OTUD7A: variants seen among roughly 807,000 people sequenced by gnomAD.
The protein encoded by OTUD7A is OTU deubiquitinase 7A.
A neutral mutation model predicts 65.7 loss-of-function variants in OTUD7A; 12 were observed. The observed-to-expected ratio is 0.18, with a 90% CI of 0.12 to 0.30. The LOEUF (loss-of-function observed/expected upper bound fraction) is 0.30, where lower values mean the gene tolerates loss of function less well. Among genes scored for constraint, OTUD7A ranks in the 10% least tolerant of loss-of-function variants. The pLI is 1.00. For missense variants in OTUD7A, 1,148 were observed against 1,304.8 expected (o/e 0.88, Z 1.85); for synonymous variants, 641 against 586.3 (o/e 1.09, Z -1.35).
At chr15:31,834,161 G>A (rs73380591) in intron 1 of OTUD7A, among the ~76,000 whole-genome samples, 2 of 152,344 alleles carry the variant, frequency 1.3e-5, no homozygotes, top group African/African-American at 4.8e-5. Context: ...GTGCTAACAA[G>A]AGTCACAGGC....
chr15:31,603,953 G>A (rs1890159133), intron 3 of OTUD7A, among the ~76,000 whole-genome samples: 2 of 152,336 alleles, frequency 1.3e-5, no homozygotes, highest in South Asian at 2.1e-4. Context: ...AACAGATGCT[G>A]GAGAGGATGT....
At position 31,500,902 on chromosome 15, in the gene OTUD7A, G is replaced by T. The variant is rs936025022; in HGVS notation, c.1171+788C>A. Among the ~76,000 whole-genome samples the T allele has an allele frequency of 1.7e-4, 26 of 152,350 alleles. 1 individual carries two copies. The South Asian group carries it at 3.9e-3, about 23-fold the overall frequency. On this transcript the variant is annotated intron_variant, in intron 10 of 12. Transcript: ENST00000307050. ...CAAACAAGAATGACAACAGGAAGGGGTTTCCTCTCCACTCAGCTGGTCACA... is the reference window on the plus strand; with the variant it reads ...CAAACAAGAATGACAACAGGAAGGGTTTTCCTCTCCACTCAGCTGGTCACA...
chr15:31,790,559 A>G (rs1895787287), intron 1 of OTUD7A, among the ~76,000 whole-genome samples: 1 of 152,250 alleles, frequency 6.6e-6, no homozygotes, highest in Admixed American at 6.5e-5. Context: ...AGAGAAAACA[A>G]AACAGCTCCC....
intron 1 of OTUD7A, among the ~76,000 whole-genome samples, chr15:31,744,681 G>C (rs966428651): frequency 3.9e-5 from 6 of 152,042 alleles, no homozygotes; most frequent in Non-Finnish European, 8.8e-5. Context: ...TTGTACAAAA[G>C]ATTGTAGCCA....
At chr15:31,592,911 A>G (rs1359417009) in intron 3 of OTUD7A, among the ~76,000 whole-genome samples, 10 of 51,114 alleles carry the variant, frequency 2.0e-4, no homozygotes, top group Non-Finnish European at 2.5e-4. Context: ...AAAAATATAT[A>G]TATATATATA....
At chr15:31,513,893 G>C (rs1294662978) in intron 8 of OTUD7A, among the ~76,000 whole-genome samples, 1 of 152,102 alleles carries the variant, frequency 6.6e-6, no homozygotes, top group Non-Finnish European at 1.5e-5. Flanking sequence ...TATCACTATG[G>C]ATTTCTGGTT....
chr15:31,541,980 GA>G (rs1888000159), intron 5 of OTUD7A, among the ~76,000 whole-genome samples: 1 of 152,128 alleles, frequency 6.6e-6, no homozygotes, highest in Non-Finnish European at 1.5e-5. Flanking sequence ...GACCTAAATT[GA>G]TTTGTGGCTT....
chr15:31,543,697 A>G (rs530700602), intron 5 of OTUD7A, among the ~76,000 whole-genome samples: 1 of 152,016 alleles, frequency 6.6e-6, no homozygotes, highest in African/African-American at 2.4e-5. Context: ...ATTCATGAGG[A>G]AGAAATCAGT....
intron 1 of OTUD7A, chr15:31,766,885 G>C: frequency 6.2e-7 from 1 of 1,610,130 alleles, no homozygotes; most frequent in Non-Finnish European, 8.5e-7. Context: ...CTCTTTACTT[G>C]AATTCCCTGA....
Position 31,478,474 on chromosome 15 carries a change from T to C in OTUD7A, c.*4820A>G, listed in dbSNP as rs2041059847. Reference sequence around the variant, plus strand: ...TTTGGCAAGATTAAAATAGCAAAAATGCAATTTTCAACAAATCATTTGGCA... The same window carrying C: ...TTTGGCAAGATTAAAATAGCAAAAACGCAATTTTCAACAAATCATTTGGCA... On this transcript the variant is annotated 3_prime_UTR_variant, in exon 13 of 13. Coordinates refer to ENST00000307050, the MANE Select transcript of OTUD7A (RefSeq NM_001382637.1). 1 of 152,112 alleles carries C rather than the reference T, an allele frequency of 6.6e-6. No homozygotes were observed. Among genetic ancestry groups the C allele is most frequent in the Non-Finnish European group, 1.5e-5 (1 of 68,032 alleles). The allele number at this position is 152,112 out of a possible 1,614,324, so 9.4% of individuals were successfully genotyped here. A position where few individuals can be genotyped will look rare whatever the true frequency, so the allele number is the denominator to read the frequency against.
intron 8 of OTUD7A, among the ~76,000 whole-genome samples, chr15:31,512,524 G>GA (rs1466539976): frequency 1.3e-5 from 2 of 152,290 alleles, no homozygotes; most frequent in Non-Finnish European, 2.9e-5. Flanking sequence ...AGAGTATATT[G>GA]AATAAAGGAG....
intron 1 of OTUD7A, among the ~76,000 whole-genome samples, chr15:31,774,516 G>C (rs1351439598): frequency 6.6e-6 from 1 of 152,226 alleles, no homozygotes; most frequent in Admixed American, 6.5e-5. Flanking sequence ...ATTCTGGCTT[G>C]AACTTGCCAC....
At chr15:31,800,768 G>A (rs1896100233) in intron 1 of OTUD7A, among the ~76,000 whole-genome samples, 2 of 152,078 alleles carry the variant, frequency 1.3e-5, no homozygotes, top group Admixed American at 6.5e-5. Flanking sequence ...CAGCCCCAGC[G>A]TTTTTTTGTT....
intron 1 of OTUD7A, among the ~76,000 whole-genome samples, chr15:31,724,210 G>A (rs1399451096): frequency 3.3e-5 from 5 of 152,122 alleles, no homozygotes; most frequent in African/African-American, 7.2e-5. Context: ...TTACAAAAAC[G>A]ATTTTCCCTA....
intron 3 of OTUD7A, among the ~76,000 whole-genome samples, chr15:31,629,941 C>T (rs1891089176): frequency 6.6e-6 from 1 of 151,806 alleles, no homozygotes; most frequent in South Asian, 2.1e-4. Flanking sequence ...TGGTGATATC[C>T]CCTTTATCAT....
At chr15:31,746,507 A>ATTTT (rs33918687) in intron 1 of OTUD7A, among the ~76,000 whole-genome samples, 5 of 143,520 alleles carry the variant, frequency 3.5e-5, no homozygotes, top group Non-Finnish European at 6.1e-5. Context: ...GTTTTTACAT[A>ATTTT]TTTTTTTTTT....
chr15:31,831,414 T>C (rs1233589296), intron 1 of OTUD7A, among the ~76,000 whole-genome samples: 2 of 137,080 alleles, frequency 1.5e-5, no homozygotes, highest in Non-Finnish European at 1.6e-5. Flanking sequence ...ATGAAGAGTA[T>C]GTGAATGATC....
Position 31,766,531 on chromosome 15 carries a change from T to C in OTUD7A, c.-100+103976A>G, listed in dbSNP as rs1346266314. 3.7e-6 allele frequency: 6 copies of C among 1,613,020 alleles called. No homozygotes were observed. In the African/African-American group the frequency reaches 4.0e-5, roughly 11 times the overall value. On this transcript the variant is annotated intron_variant, in intron 1 of 12. Coordinates refer to ENST00000307050, the MANE Select transcript of OTUD7A (RefSeq NM_001382637.1). ...GTGGCACTAGACTCTCCAAGTTCAC[T>C]TTCCATAGCTGTTTGCACACTTGTG...
chr15:31,778,823 G>A (rs76384718), intron 1 of OTUD7A, among the ~76,000 whole-genome samples: 3,651 of 151,906 alleles, frequency 0.024, 163 homozygotes, highest in African/African-American at 0.08. Flanking sequence ...TCCTTTCCCC[G>A]CTCCCAGCCC....
Sources: gnomAD v4.1 joint callset for allele counts (sites outside exome capture counted in the v4.1 genomes callset) on GRCh38, gnomAD v4.1.1 for gene constraint, MANE v1.5 for transcripts, NCBI Gene and HGNC (gene_info 2026-07-23, HGNC 2026-07-21) for gene names.